The following ZNF423 variants were observed in gnomAD, a reference collection of about 807,000 sequenced individuals.
The protein encoded by ZNF423 is Ebf-associated zinc finger protein.
A neutral mutation model predicts 95.8 loss-of-function variants in ZNF423; 12 were observed. That is an observed-to-expected ratio of 0.13 (90% CI 0.08 to 0.20). The LOEUF (loss-of-function observed/expected upper bound fraction) is 0.20, where lower values mean the gene tolerates loss of function less well. Among genes scored for constraint, ZNF423 ranks in the 10% least tolerant of loss-of-function variants. ZNF423 has a pLI of 1.00. For missense variants in ZNF423, 1,316 were observed against 1,737.1 expected (o/e 0.76, Z 4.31); for synonymous variants, 749 against 711.9 (o/e 1.05, Z -0.83).
At chr16:49,683,211 T>C (rs1205704721) in intron 3 of ZNF423, among the ~76,000 whole-genome samples, 1 of 151,826 alleles carries the variant, frequency 6.6e-6, no homozygotes, top group Non-Finnish European at 1.5e-5. Context: ...CAGTGGGGCA[T>C]TCAACAGTGA....
intron 5 of ZNF423, among the ~76,000 whole-genome samples, chr16:49,571,274 C>G (rs1970346841): frequency 6.6e-6 from 1 of 152,064 alleles, no homozygotes; most frequent in Admixed American, 6.6e-5. Flanking sequence ...CATAAAGCCT[C>G]AGGTCTGGGT....
At chr16:49,609,574 G>T (rs1971653814) in intron 5 of ZNF423, among the ~76,000 whole-genome samples, 1 of 151,986 alleles carries the variant, frequency 6.6e-6, no homozygotes, top group Admixed American at 6.5e-5. Context: ...TTTTAGAAAT[G>T]GATAAAGGAG....
rs377335175 is a variant in ZNF423 at position 49,700,927 on chromosome 16, G to A, written c.301+29844C>T. ...AGAAAGGAGGAGGGAGGAGGGAAGA[G>A]GGAGGAGGGCAGAGGAGGGAGGAGA... is the stretch of plus-strand genomic sequence containing the variant. On this transcript the variant is annotated intron_variant, in intron 3 of 7. Transcript: ENST00000563137. Among the ~76,000 whole-genome samples the A allele has an allele frequency of 1.1e-4, 16 of 152,232 alleles. No homozygotes were observed. In the East Asian group the frequency reaches 2.1e-3, roughly 20 times the overall value.
chr16:49,787,266 C>T (rs969933111), intron 2 of ZNF423, among the ~76,000 whole-genome samples: 6 of 152,016 alleles, frequency 3.9e-5, no homozygotes, highest in African/African-American at 1.4e-4. Context: ...AAAATTTACA[C>T]ATGCACAGCA....
intron 5 of ZNF423, among the ~76,000 whole-genome samples, chr16:49,615,680 G>A (rs1181985870): frequency 2.6e-5 from 4 of 152,076 alleles, no homozygotes; most frequent in East Asian, 1.9e-4. Flanking sequence ...CTGGAGTCTC[G>A]GTAACAGGGG....
At chr16:49,718,281 T>C (rs1281267874) in intron 3 of ZNF423, among the ~76,000 whole-genome samples, 1 of 151,978 alleles carries the variant, frequency 6.6e-6, no homozygotes, top group Non-Finnish European at 1.5e-5. Context: ...TAGCTGGGTG[T>C]GGTAATCCCA....
chr16:49,703,829 C>G (rs1057194591), intron 3 of ZNF423, among the ~76,000 whole-genome samples: 2 of 152,244 alleles, frequency 1.3e-5, no homozygotes, highest in African/African-American at 4.8e-5. Context: ...TATCTCCCAG[C>G]TCCTCTATGC....
At chr16:49,683,296 T>C (rs1254564459) in intron 3 of ZNF423, among the ~76,000 whole-genome samples, 2 of 152,216 alleles carry the variant, frequency 1.3e-5, no homozygotes, top group African/African-American at 2.4e-5. Context: ...AATTGCACCC[T>C]GGAAGTGTAA....
intron 5 of ZNF423, among the ~76,000 whole-genome samples, chr16:49,533,709 G>A (rs1176796374): frequency 6.6e-6 from 1 of 152,220 alleles, no homozygotes; most frequent in African/African-American, 2.4e-5. Flanking sequence ...CAAGAACCAG[G>A]CTGCGCGGAG....
chr16:49,677,310 AAGGAGGGGAAGGGAG>A (rs2031133774), intron 3 of ZNF423, among the ~76,000 whole-genome samples: 3 of 75,520 alleles, frequency 4.0e-5, no homozygotes, highest in African/African-American at 1.0e-4. Context: ...AGAGAAGAGA[AAGGAGGGGAAGGGAG>A]GGGAGGGGAG....
chr16:49,667,836 T>C (rs925126492), intron 3 of ZNF423, among the ~76,000 whole-genome samples: 2 of 152,218 alleles, frequency 1.3e-5, no homozygotes, highest in African/African-American at 4.8e-5. Flanking sequence ...CAGTGAGCTA[T>C]GACTGCACCA....
At chr16:49,663,360 C>T (rs549007846) in intron 3 of ZNF423, among the ~76,000 whole-genome samples, 8 of 152,280 alleles carry the variant, frequency 5.3e-5, no homozygotes, top group African/African-American at 1.7e-4. Flanking sequence ...TGGCTGGCCA[C>T]GAGAAACACC....
rs545977248 is a variant in ZNF423 at position 49,855,511 on chromosome 16, T to TCCGCCGCCGCCGCCGCCG, written c.40+206_40+223dup. 1.7e-4 allele frequency among the ~76,000 whole-genome samples: 24 copies of TCCGCCGCCGCCGCCGCCG among 143,946 alleles called. 1 individual carries two copies. The South Asian group carries it at 4.0e-3, about 24-fold the overall frequency. The allele number at this position is 143,946 out of a possible 152,430, so 94.4% of individuals were successfully genotyped here. ...GGGAGGGTGTCCGCGGCGTACCCCCTCCGCCGCCGCCGCCGCCGCCGCCGC... is the reference window on the plus strand; with the variant it reads ...GGGAGGGTGTCCGCGGCGTACCCCCTCCGCCGCCGCCGCCGCCGCCGCCGCCGCCGCCGCCGCCGCCGC... On this transcript the variant is annotated intron_variant, in intron 1 of 7. Transcript: ENST00000563137. The surrounding 1 kb of genome is among the most constrained non-coding windows in gnomAD (Gnocchi z 4.7).
intron 5 of ZNF423, among the ~76,000 whole-genome samples, chr16:49,582,622 T>C (rs1970707949): frequency 6.6e-6 from 1 of 152,210 alleles, no homozygotes; most frequent in Non-Finnish European, 1.5e-5. Flanking sequence ...TAGGAAATTC[T>C]TGGAGGCACA....
intron 3 of ZNF423, among the ~76,000 whole-genome samples, chr16:49,721,733 T>A (rs2032871560): frequency 1.3e-5 from 2 of 151,922 alleles, no homozygotes; most frequent in African/African-American, 4.8e-5. Context: ...ATGAAGGTGG[T>A]CAAGCAGGCT....
chr16:49,721,501 GC>G (rs1334434739), intron 3 of ZNF423, among the ~76,000 whole-genome samples: 4 of 152,022 alleles, frequency 2.6e-5, no homozygotes, highest in African/African-American at 9.7e-5. Flanking sequence ...TACATCCTGG[GC>G]CCAGGAGGAC....
At chr16:49,542,346 C>T (rs557672900) in intron 5 of ZNF423, among the ~76,000 whole-genome samples, 17 of 152,338 alleles carry the variant, frequency 1.1e-4, no homozygotes, top group African/African-American at 3.4e-4. Context: ...GTCCCGGTGG[C>T]CTCATCAGTA....
chr16:49,500,001 C>A (rs772673996), intron 7 of ZNF423, among the ~76,000 whole-genome samples: 2 of 152,094 alleles, frequency 1.3e-5, no homozygotes, highest in Non-Finnish European at 2.9e-5. Context: ...AAATGGGCCC[C>A]GTCAGTCTGT....
chr16:49,824,155 A>G (rs560017979), intron 1 of ZNF423, among the ~76,000 whole-genome samples: 24 of 151,810 alleles, frequency 1.6e-4, no homozygotes, highest in African/African-American at 5.1e-4. Flanking sequence ...ACTGGGGGGG[A>G]ATGTCCCAAA....
Sources: gnomAD v4.1 joint callset for allele counts (sites outside exome capture counted in the v4.1 genomes callset) on GRCh38, gnomAD v4.1.1 for gene constraint, Gnocchi (gnomAD v3.1) non-coding constraint, MANE v1.5 for transcripts, NCBI Gene and HGNC (gene_info 2026-07-23, HGNC 2026-07-21) for gene names.